NCAM2: variants seen among roughly 807,000 people sequenced by gnomAD.
NCAM2 encodes N-CAM-2.
Under a neutral mutation model 98.1 loss-of-function variants are expected in NCAM2, and 30 were observed. The ratio of observed to expected loss-of-function variants is 0.31; its 90% CI spans 0.23 to 0.41. The LOEUF (loss-of-function observed/expected upper bound fraction) is 0.41, where lower values mean the gene tolerates loss of function less well. NCAM2 is among the 10% of genes least tolerant of loss of function. The pLI, the probability that NCAM2 is intolerant of heterozygous loss-of-function variation, is 1.00. For synonymous variants in NCAM2, 368 were observed against 342.4 expected (o/e 1.07, Z -0.83); for missense variants, 867 against 1,005.8 (o/e 0.86, Z 1.87).
intron 1 of NCAM2, among the ~76,000 whole-genome samples, chr21:21,175,198 C>T (rs370868368): frequency 2.6e-5 from 4 of 151,786 alleles, no homozygotes; most frequent in South Asian, 4.2e-4. Context: ...TTCAGTAATC[C>T]GGGGTCAGTG....
chr21:21,491,189 A>G (rs1247214162), intron 15 of NCAM2, among the ~76,000 whole-genome samples: 1 of 151,872 alleles, frequency 6.6e-6, no homozygotes, highest in Non-Finnish European at 1.5e-5. Context: ...ATTTCGTGAC[A>G]ATATCAAATA....
intron 1 of NCAM2, among the ~76,000 whole-genome samples, chr21:21,167,910 C>T (rs2068002550): frequency 6.6e-6 from 1 of 152,008 alleles, no homozygotes. Flanking sequence ...TCTCCATAAT[C>T]TCTTTCAAAG....
intron 12 of NCAM2, among the ~76,000 whole-genome samples, chr21:21,448,207 T>C (rs1980482930): frequency 6.6e-6 from 1 of 152,058 alleles, no homozygotes; most frequent in Admixed American, 6.6e-5. Flanking sequence ...TGGAATACTA[T>C]GCAGCCATAG....
At chr21:21,473,077 G>C (rs2146242203) in intron 14 of NCAM2, among the ~76,000 whole-genome samples, 1 of 151,160 alleles carries the variant, frequency 6.6e-6, no homozygotes, top group Middle Eastern at 3.4e-3. Context: ...TTTCTCAGAG[G>C]ACAACTTTTT....
At chr21:21,466,554 G>GATAT (rs1027117642) in intron 12 of NCAM2, 52 bp from the exon 13 acceptor site, 19 of 1,228,006 alleles carry the variant, frequency 1.5e-5, no homozygotes, top group East Asian at 2.7e-5. Flanking sequence ...TGTCCAATTA[G>GATAT]ATATATATGT....
chr21:21,176,342 T>C (rs1236356987), intron 1 of NCAM2, among the ~76,000 whole-genome samples: 1 of 152,108 alleles, frequency 6.6e-6, no homozygotes, highest in Non-Finnish European at 1.5e-5. Flanking sequence ...ACATAAATAC[T>C]GAGAAATGAG....
chr21:21,414,988 G>A, intron 10 of NCAM2, among the ~76,000 whole-genome samples: 1 of 151,620 alleles, frequency 6.6e-6, no homozygotes. Context: ...TCAACAGTGG[G>A]CTTAAAATAT....
intron 1 of NCAM2, among the ~76,000 whole-genome samples, chr21:21,087,708 A>G (rs187625841): frequency 1.7e-3 from 256 of 152,240 alleles, no homozygotes; most frequent in African/African-American, 5.8e-3. Flanking sequence ...GGAGAGAGGA[A>G]ATGGTGGCTT....
chr21:21,419,397 A>G (rs913036712), intron 11 of NCAM2, among the ~76,000 whole-genome samples: 4 of 145,376 alleles, frequency 2.8e-5, no homozygotes, highest in Non-Finnish European at 4.5e-5. Flanking sequence ...TTTAGGGTAC[A>G]TGTACACAAT....
intron 1 of NCAM2, among the ~76,000 whole-genome samples, chr21:21,274,165 G>GA (rs199954458): frequency 0.031 from 4,172 of 136,194 alleles, 197 homozygotes; most frequent in African/African-American, 0.1. Context: ...AACTCTGTCT[G>GA]AAAAAAAAAA....
chr21:21,189,216 T>C (rs1046371728), intron 1 of NCAM2, among the ~76,000 whole-genome samples: 1 of 152,214 alleles, frequency 6.6e-6, no homozygotes, highest in South Asian at 2.1e-4. Context: ...TAAACCATTC[T>C]ATTTTTAATG....
At chr21:21,171,947 G>A (rs371794007) in intron 1 of NCAM2, among the ~76,000 whole-genome samples, 17 of 152,018 alleles carry the variant, frequency 1.1e-4, no homozygotes, top group Non-Finnish European at 2.5e-4. Flanking sequence ...AAGAACTTCA[G>A]TCCCTTATGT....
chr21:21,100,106 G>A (rs1183977534), intron 1 of NCAM2, among the ~76,000 whole-genome samples: 1 of 151,870 alleles, frequency 6.6e-6, no homozygotes, highest in Non-Finnish European at 1.5e-5. Context: ...CAAATTGTTA[G>A]TTTTCAAGTC....
chr21:21,434,982 C>G (rs577137218), intron 12 of NCAM2, among the ~76,000 whole-genome samples: 8 of 152,240 alleles, frequency 5.3e-5, no homozygotes, highest in African/African-American at 1.9e-4. Flanking sequence ...GGATGTGTGA[C>G]TGGAGTGCAA....
At chr21:21,207,837 A>G (rs2069502534) in intron 1 of NCAM2, among the ~76,000 whole-genome samples, 1 of 152,180 alleles carries the variant, frequency 6.6e-6, no homozygotes, top group Non-Finnish European at 1.5e-5. Context: ...ACCACTAAAT[A>G]TTACACTTGA....
At chr21:21,336,202 A>G (rs1336319783) in intron 7 of NCAM2, among the ~76,000 whole-genome samples, 1 of 152,188 alleles carries the variant, frequency 6.6e-6, no homozygotes, top group Non-Finnish European at 1.5e-5. Flanking sequence ...AGCTTCAATT[A>G]TGTTTACAAG....
At chr21:21,193,331 G>C (rs1397079486) in intron 1 of NCAM2, among the ~76,000 whole-genome samples, 1 of 152,030 alleles carries the variant, frequency 6.6e-6, no homozygotes. Flanking sequence ...TAGCCATGCT[G>C]AGGGGAAGAA....
At chr21:21,447,063 T>C (rs185451485) in intron 12 of NCAM2, among the ~76,000 whole-genome samples, 204 of 152,234 alleles carry the variant, frequency 1.3e-3, no homozygotes, top group Admixed American at 2.8e-3. Flanking sequence ...TTAAATTTCA[T>C]AGGGAATCAA....
intron 1 of NCAM2, among the ~76,000 whole-genome samples, chr21:21,033,569 C>A (rs373501372): frequency 3.3e-5 from 5 of 152,100 alleles, no homozygotes; most frequent in South Asian, 4.2e-4. Context: ...GACCTCCCCC[C>A]CAAAACAATG....
Sources: allele counts gnomAD v4.1 joint callset (sites outside exome capture counted in the v4.1 genomes callset), GRCh38; gene constraint gnomAD v4.1.1; transcripts MANE v1.5; gene names NCBI Gene and HGNC (gene_info 2026-07-23, HGNC 2026-07-21).